Variants in SUGCT observed in about 807,000 individuals in gnomAD.
The protein encoded by SUGCT is succinyl-CoA:glutarate CoA-transferase.
A neutral mutation model predicts 55.0 loss-of-function variants in SUGCT; 41 were observed. That is an observed-to-expected ratio of 0.74 (90% CI 0.58 to 0.97). The LOEUF is 0.97. Ranked by LOEUF, SUGCT falls within the 50% of genes least tolerant of loss-of-function variation. The pLI, the probability that SUGCT is intolerant of heterozygous loss-of-function variation, is 0.00. For missense variants in SUGCT, 568 were observed against 547.8 expected, an observed-to-expected ratio of 1.04 and a Z score of -0.37; for synonymous variants, 187 against 200.4, an observed-to-expected ratio of 0.93 and a Z score of 0.56.
At chr7:40,733,037 C>A (rs1216774246) in intron 12 of SUGCT, among the ~76,000 whole-genome samples, 2 of 152,098 alleles carry the variant, frequency 1.3e-5, no homozygotes, top group African/African-American at 4.8e-5. Flanking sequence ...CTGCTGCACT[C>A]CAGCCTGGGC....
chr7:40,252,494 A>G (rs1323217702), intron 7 of SUGCT, among the ~76,000 whole-genome samples: 1 of 152,180 alleles, frequency 6.6e-6, no homozygotes, highest in Non-Finnish European at 1.5e-5. Context: ...ATGAAACAGA[A>G]CAAATTTTAC....
At chr7:40,484,416 C>T (rs1401168813) in intron 11 of SUGCT, among the ~76,000 whole-genome samples, 1 of 152,132 alleles carries the variant, frequency 6.6e-6, no homozygotes, top group Non-Finnish European at 1.5e-5. Context: ...ATGGGTAGAG[C>T]CCAGGCAACA....
At chr7:40,556,922 A>T (rs917429200) in intron 12 of SUGCT, among the ~76,000 whole-genome samples, 22 of 152,218 alleles carry the variant, frequency 1.4e-4, no homozygotes, top group Admixed American at 1.2e-3. Context: ...TATTAGTCAG[A>T]TGATTCTACT....
rs537301378 is a variant in SUGCT at position 40,517,629 on chromosome 7, A to T, written c.1089+21243A>T. Among the ~76,000 whole-genome samples, 6 of 152,120 alleles carry T rather than the reference A, an allele frequency of 3.9e-5. No homozygotes were observed. The East Asian group carries it at 1.2e-3, about 29-fold the overall frequency. On this transcript the variant is annotated intron_variant, in intron 12 of 13. Transcript: ENST00000335693. ...TTGAAGATTTTATCTGTTAAGTGTG[A>T]TATTTGGGCCTAGTATTGATGTTCT...
Position 40,735,095 on chromosome 7 carries a change from G to A in SUGCT, c.1090-14339G>A, listed in dbSNP as rs184657205. ...AAAATTACTCTGCTGACCACCACTCGGAATGGTTCCTTTCACAGGGCTTTG... is the reference window on the plus strand; with the variant it reads ...AAAATTACTCTGCTGACCACCACTCAGAATGGTTCCTTTCACAGGGCTTTG... On this transcript the variant is annotated intron_variant, in intron 12 of 13. Coordinates refer to ENST00000335693, the MANE Select transcript of SUGCT (RefSeq NM_001193313.2). Among the ~76,000 whole-genome samples the A allele has an allele frequency of 3.6e-3, 542 of 152,288 alleles. 3 individuals are homozygous for A. Among genetic ancestry groups the A allele is most frequent in the Non-Finnish European group, 5.5e-3 (371 of 68,024 alleles).
At chr7:40,447,817 GGAAGT>G (rs1277399106) in intron 9 of SUGCT, among the ~76,000 whole-genome samples, 1 of 152,004 alleles carries the variant, frequency 6.6e-6, no homozygotes, top group Non-Finnish European at 1.5e-5. Context: ...AAAGGGAGGA[GGAAGT>G]GAAGAAAAAG....
intron 13 of SUGCT, chr7:40,782,756 A>G (rs533405895): frequency 3.9e-5 from 6 of 152,332 alleles, no homozygotes; most frequent in South Asian, 4.1e-4. Flanking sequence ...GATTGAATTC[A>G]TCTCATGAAA....
At chr7:40,558,057 A>G (rs552805918) in intron 12 of SUGCT, among the ~76,000 whole-genome samples, 1 of 152,104 alleles carries the variant, frequency 6.6e-6, no homozygotes, top group South Asian at 2.1e-4. Context: ...TTAAAGCACA[A>G]TGAAATACTA....
chr7:40,304,643 A>G (rs1433804649), intron 8 of SUGCT, among the ~76,000 whole-genome samples: 2 of 150,706 alleles, frequency 1.3e-5, no homozygotes, highest in South Asian at 2.1e-4. Context: ...ATGTCTTTGC[A>G]TCCTCATAGC....
intron 8 of SUGCT, among the ~76,000 whole-genome samples, chr7:40,303,759 A>G (rs969742286): frequency 2.6e-5 from 4 of 152,168 alleles, no homozygotes; most frequent in Non-Finnish European, 5.9e-5. Flanking sequence ...ATTATATTCC[A>G]TACTTCCATC....
intron 12 of SUGCT, among the ~76,000 whole-genome samples, chr7:40,556,542 G>A (rs1795570915): frequency 6.6e-6 from 1 of 152,204 alleles, no homozygotes. Flanking sequence ...AGCAGGTGTT[G>A]TGTGAATATT....
At chr7:40,991,224 G>A in the SUGCT span, among the ~76,000 whole-genome samples, 682 of 152,268 alleles carry the variant, frequency 4.5e-3, 10 homozygotes, top group Admixed American at 0.03. Context: ...AAGGAATAGG[G>A]AGGCCTGAGG....
intron 9 of SUGCT, among the ~76,000 whole-genome samples, chr7:40,368,082 A>G (rs1184868963): frequency 6.6e-6 from 1 of 152,036 alleles, no homozygotes; most frequent in Non-Finnish European, 1.5e-5. Flanking sequence ...TATCCTCCAG[A>G]TTTTGTCTCT....
the SUGCT span, among the ~76,000 whole-genome samples, chr7:40,872,174 C>T: frequency 8.5e-3 from 1,300 of 152,252 alleles, 13 homozygotes; most frequent in Admixed American, 0.014. Context: ...AAACACTAAT[C>T]TAGAGGAAGC....
the SUGCT span, among the ~76,000 whole-genome samples, chr7:40,874,200 G>A: frequency 6.6e-6 from 1 of 152,216 alleles, no homozygotes; most frequent in Non-Finnish European, 1.5e-5. Context: ...TAATTTTTCT[G>A]TAGACACTAT....
chr7:40,489,667 G>A (rs1182682351), intron 11 of SUGCT, among the ~76,000 whole-genome samples: 2 of 152,092 alleles, frequency 1.3e-5, no homozygotes, highest in African/African-American at 4.8e-5. Flanking sequence ...GTGACAGAGC[G>A]AGACTCTGTC....
In SUGCT at chr7:40,143,422, CAG is replaced by C. The variant is rs544297609; in HGVS notation, c.100+8311_100+8312del. Among the ~76,000 whole-genome samples, 16 of 152,266 alleles carry C rather than the reference CAG, an allele frequency of 1.1e-4. No individual in the cohort carries two copies. The East Asian group carries it at 3.1e-3, about 29-fold the overall frequency. On this transcript the variant is annotated intron_variant, in intron 1 of 13. Transcript: ENST00000335693. Reference sequence around the variant, plus strand: ...CAGCATGCTGGACTTTGGGATATAGCAGAGAGAGAGTGTGGCACAACTTGTTA... The same window carrying C: ...CAGCATGCTGGACTTTGGGATATAGCAGAGAGAGTGTGGCACAACTTGTTA...
chr7:40,198,817 C>T (rs921247262), intron 6 of SUGCT, among the ~76,000 whole-genome samples: 5 of 151,364 alleles, frequency 3.3e-5, no homozygotes, highest in East Asian at 1.9e-4. Context: ...ACCAACATGA[C>T]GAAACCCCGT....
intron 12 of SUGCT, among the ~76,000 whole-genome samples, chr7:40,656,898 T>G (rs1025467095): frequency 3.9e-5 from 6 of 152,232 alleles, no homozygotes; most frequent in African/African-American, 1.2e-4. Context: ...AGTTAACATT[T>G]AGTTCACACA....
Sources: gnomAD v4.1 joint callset for allele counts (sites outside exome capture counted in the v4.1 genomes callset) on GRCh38, gnomAD v4.1.1 for gene constraint, MANE v1.5 for transcripts, NCBI Gene and HGNC (gene_info 2026-07-23, HGNC 2026-07-21) for gene names.